The following DKK2 variants were observed in gnomAD, a reference collection of about 807,000 sequenced individuals.
The protein encoded by DKK2 is dickkopf Wnt signaling pathway inhibitor 2.
Under a neutral mutation model 28.1 loss-of-function variants are expected in DKK2, and 11 were observed. The observed-to-expected ratio is 0.39, with a 90% CI of 0.25 to 0.65. The LOEUF is 0.65. Ranked by LOEUF, DKK2 falls within the 30% of genes least tolerant of loss-of-function variation. DKK2 has a pLI of 0.47. For missense variants in DKK2, 326 were observed against 335.5 expected (o/e 0.97, Z 0.22); for synonymous variants, 135 against 126.5 (o/e 1.07, Z -0.45).
chr4:106,924,167 G>C lies in DKK2; in HGVS notation c.567C>G (p.Cys189Trp). The C allele has an allele frequency of 6.2e-7, 1 of 1,613,912 alleles. No individual in the cohort carries two copies. The highest frequency in any genetic ancestry group is 8.5e-7 in the Non-Finnish European group (1 of 1,179,912). Residue 189 changes from cysteine to tryptophan, a missense_variant, in exon 4 of 4, where the codon TGC (cysteine) becomes TGG (tryptophan). Transcript: ENST00000285311. Reference sequence around the variant, plus strand: ...GACGAGCACAGCAAAACCCTTCAATGCAGTCTGATGATCGTAGGCAGGGGT... The same window carrying C: ...GACGAGCACAGCAAAACCCTTCAATCCAGTCTGATGATCGTAGGCAGGGGT... ...EGDPCLRSSD[C>W]IEGFCCARHF...
chr4:106,938,564 C>A (rs1160650909), intron 1 of DKK2, among the ~76,000 whole-genome samples: 1 of 152,158 alleles, frequency 6.6e-6, no homozygotes, highest in Non-Finnish European at 1.5e-5. Context: ...CCTTCTGAAA[C>A]TATTCCAATC....
chr4:106,936,194 A>C (rs538008835), intron 1 of DKK2, among the ~76,000 whole-genome samples: 1 of 152,190 alleles, frequency 6.6e-6, no homozygotes, highest in East Asian at 1.9e-4. Context: ...TTCAAACCAA[A>C]GGCAAAGAAG....
intron 1 of DKK2, among the ~76,000 whole-genome samples, chr4:106,967,738 G>C (rs1000819437): frequency 5.3e-5 from 8 of 151,392 alleles, no homozygotes; most frequent in Admixed American, 1.3e-4. Context: ...GGAAGGAACA[G>C]AGGGAGGGAG....
At chr4:107,034,955 T>C (rs1198945844) in intron 1 of DKK2, among the ~76,000 whole-genome samples, 2 of 152,082 alleles carry the variant, frequency 1.3e-5, no homozygotes, top group Non-Finnish European at 2.9e-5. Flanking sequence ...GCTCACAGAG[T>C]TGTGAAGATT....
At chr4:106,935,573 A>G (rs1242003956) in intron 1 of DKK2, among the ~76,000 whole-genome samples, 1 of 152,210 alleles carries the variant, frequency 6.6e-6, no homozygotes, top group African/African-American at 2.4e-5. Flanking sequence ...TTGCTTAGAT[A>G]ACCAAAGCAG....
intron 1 of DKK2, among the ~76,000 whole-genome samples, chr4:107,026,545 T>C (rs572704673): frequency 6.6e-6 from 1 of 152,274 alleles, no homozygotes; most frequent in Admixed American, 6.5e-5. Flanking sequence ...AAACTCCAAA[T>C]ATTAAATTAA....
At chr4:106,991,498 C>T (rs1005551203) in intron 1 of DKK2, among the ~76,000 whole-genome samples, 1 of 152,122 alleles carries the variant, frequency 6.6e-6, no homozygotes, top group Non-Finnish European at 1.5e-5. Flanking sequence ...CCCTCAGAGA[C>T]TCTTTTGACT....
chr4:107,008,199 A>G (rs1723464540), intron 1 of DKK2, among the ~76,000 whole-genome samples: 1 of 152,164 alleles, frequency 6.6e-6, no homozygotes. Flanking sequence ...TTAAAAATGT[A>G]TAATTCAATA....
chr4:106,944,061 A>G (rs1724741477), intron 1 of DKK2, among the ~76,000 whole-genome samples: 1 of 152,060 alleles, frequency 6.6e-6, no homozygotes, highest in Non-Finnish European at 1.5e-5. Context: ...ATTGCAAAGG[A>G]TCAAGAATAT....
intron 1 of DKK2, among the ~76,000 whole-genome samples, chr4:107,002,584 TA>T (rs796186792): frequency 4.0e-5 from 6 of 150,574 alleles, no homozygotes; most frequent in East Asian, 1.9e-4. Context: ...AAAAAGACAG[TA>T]AAAAAAAAGA....
At chr4:106,963,483 TATC>T (rs1201713980) in intron 1 of DKK2, among the ~76,000 whole-genome samples, 2 of 152,138 alleles carry the variant, frequency 1.3e-5, no homozygotes, top group African/African-American at 2.4e-5. Context: ...TATAATCAGA[TATC>T]ATCTCACCCC....
chr4:106,958,249 T>G (rs1722631796), intron 1 of DKK2, among the ~76,000 whole-genome samples: 1 of 151,834 alleles, frequency 6.6e-6, no homozygotes, highest in South Asian at 2.1e-4. Flanking sequence ...AGTATAAATA[T>G]TAGTCAATCT....
chr4:107,004,140 C>T (rs1192953988), intron 1 of DKK2, among the ~76,000 whole-genome samples: 1 of 152,194 alleles, frequency 6.6e-6, no homozygotes, highest in African/African-American at 2.4e-5. Context: ...TTCCAGACCA[C>T]ATAAGCAGAG....
Position 107,035,734 on chromosome 4 carries a change from C to T in DKK2, c.-143G>A. 1.3e-6 allele frequency: 1 copy of T among 778,358 alleles called. No homozygotes were observed. The highest frequency in any genetic ancestry group is 2.0e-6 in the Non-Finnish European group (1 of 488,774). The allele number at this position is 778,358 out of a possible 1,614,324, so 48.2% of individuals were successfully genotyped here. A position where few individuals can be genotyped will look rare whatever the true frequency, so the allele number is the denominator to read the frequency against. On this transcript the variant is annotated 5_prime_UTR_variant, in exon 1 of 4. Coordinates refer to ENST00000285311, the MANE Select transcript of DKK2 (RefSeq NM_014421.3). ...CCCTCAACCCTTCCTGGTTCGGGGACCCAGGACCCTATGAACTCAGTCTCA... is the reference window on the plus strand; with the variant it reads ...CCCTCAACCCTTCCTGGTTCGGGGATCCAGGACCCTATGAACTCAGTCTCA...
intron 1 of DKK2, among the ~76,000 whole-genome samples, chr4:106,966,796 AC>A (rs1722787070): frequency 6.6e-6 from 1 of 152,134 alleles, no homozygotes; most frequent in African/African-American, 2.4e-5. Flanking sequence ...CATATTTGAA[AC>A]CAACAGATCT....
At chr4:107,003,583 T>A (rs1268830728) in intron 1 of DKK2, among the ~76,000 whole-genome samples, 1 of 152,246 alleles carries the variant, frequency 6.6e-6, no homozygotes, top group African/African-American at 2.4e-5. Context: ...GGAGAGATTC[T>A]GACTTAGAGA....
chr4:107,017,457 G>A (rs1416162797), intron 1 of DKK2, among the ~76,000 whole-genome samples: 2 of 151,980 alleles, frequency 1.3e-5, no homozygotes, highest in Admixed American at 1.3e-4. Flanking sequence ...TTTCATTAGA[G>A]AGAGAGAATC....
intron 1 of DKK2, among the ~76,000 whole-genome samples, chr4:107,008,146 G>A (rs1421574644): frequency 1.3e-5 from 2 of 152,122 alleles, no homozygotes; most frequent in East Asian, 3.9e-4. Flanking sequence ...GGCCACGTAG[G>A]TGAAAATCAG....
intron 1 of DKK2, among the ~76,000 whole-genome samples, chr4:106,988,038 A>G (rs974616238): frequency 1.3e-5 from 2 of 151,920 alleles, no homozygotes; most frequent in Non-Finnish European, 2.9e-5. Context: ...CTAATTTTTT[A>G]TATTTTTAAT....
Sources: allele counts gnomAD v4.1 joint callset (sites outside exome capture counted in the v4.1 genomes callset), GRCh38; gene constraint gnomAD v4.1.1; transcripts MANE v1.5; gene names NCBI Gene and HGNC (gene_info 2026-07-23, HGNC 2026-07-21).